Variants in TENM2 observed in about 807,000 individuals in gnomAD.
The protein encoded by TENM2 is teneurin-2.
Under a neutral mutation model 245.2 loss-of-function variants are expected in TENM2, and 52 were observed. The ratio of observed to expected loss-of-function variants is 0.21; its 90% CI spans 0.17 to 0.27. TENM2 has a LOEUF of 0.27. TENM2 is among the 10% of genes least tolerant of loss of function. TENM2 has a pLI of 1.00. For synonymous variants in TENM2, 1,363 were observed against 1,438.9 expected, an observed-to-expected ratio of 0.95 and a Z score of 1.19; for missense variants, 3,046 against 3,666.8, an observed-to-expected ratio of 0.83 and a Z score of 4.37.
intron 3 of TENM2, among the ~76,000 whole-genome samples, chr5:167,937,268 C>T (rs922565147): frequency 3.9e-5 from 6 of 152,218 alleles, no homozygotes; most frequent in African/African-American, 9.6e-5. Flanking sequence ...TTTGTTTATT[C>T]AGTCACTTGC....
chr5:168,254,249 C>G (rs1393820623), intron 27 of TENM2, among the ~76,000 whole-genome samples: 1 of 152,216 alleles, frequency 6.6e-6, no homozygotes, highest in Non-Finnish European at 1.5e-5. Flanking sequence ...GCAATTCCCT[C>G]TAGACAGACT....
intron 2 of TENM2, among the ~76,000 whole-genome samples, chr5:167,526,052 A>G (rs1270168321): frequency 6.6e-6 from 1 of 151,968 alleles, no homozygotes; most frequent in Non-Finnish European, 1.5e-5. Context: ...GTAAATGGCC[A>G]ACCCATTTAA....
chr5:168,199,980 C>A, exon 17 of TENM2: 2 of 1,613,954 alleles, frequency 1.2e-6, no homozygotes, highest in Non-Finnish European at 1.7e-6. Context: ...CCACAGTGCC[C>A]CTGAACCTCA....
chr5:167,392,556 C>T (rs1561919124), intron 2 of TENM2, among the ~76,000 whole-genome samples: 2 of 152,148 alleles, frequency 1.3e-5, no homozygotes, highest in Admixed American at 6.5e-5. Context: ...AAATCTATAC[C>T]ATAACCTCTC....
At chr5:166,993,110 ATTTAAGCAACTTGC>A in the TENM2 span, among the ~76,000 whole-genome samples, 7 of 151,978 alleles carry the variant, frequency 4.6e-5, no homozygotes, top group African/African-American at 1.7e-4. Flanking sequence ...TTTCCTTGGT[ATTTAAGCAACTTGC>A]TATTTTGAAA....
At chr5:167,603,901 A>C (rs1034767706) in intron 2 of TENM2, among the ~76,000 whole-genome samples, 2 of 152,216 alleles carry the variant, frequency 1.3e-5, no homozygotes, top group African/African-American at 4.8e-5. Flanking sequence ...TTTTTCATTA[A>C]GCACCTCATT....
chr5:167,364,924 A>T (rs1759951031), intron 1 of TENM2, among the ~76,000 whole-genome samples: 1 of 152,088 alleles, frequency 6.6e-6, no homozygotes, highest in Non-Finnish European at 1.5e-5. Context: ...AATATAGGAT[A>T]TAGAGAATTT....
At chr5:168,089,378 C>G (rs539764068) in intron 7 of TENM2, among the ~76,000 whole-genome samples, 2 of 152,282 alleles carry the variant, frequency 1.3e-5, no homozygotes, top group African/African-American at 4.8e-5. Flanking sequence ...CTTAAAACAT[C>G]CCTTTCATCA....
chr5:168,007,976 G>A (rs567839461), intron 5 of TENM2, among the ~76,000 whole-genome samples: 1 of 152,124 alleles, frequency 6.6e-6, no homozygotes, highest in Non-Finnish European at 1.5e-5. Context: ...GTTTAAAGTA[G>A]GGCTTGATAT....
intron 2 of TENM2, among the ~76,000 whole-genome samples, chr5:167,737,332 C>G (rs955637154): frequency 6.6e-6 from 1 of 152,160 alleles, no homozygotes; most frequent in African/African-American, 2.4e-5. Context: ...TCAGAACATG[C>G]CTGTCACAGA....
At chr5:167,428,180 G>A (rs13186467) in intron 2 of TENM2, among the ~76,000 whole-genome samples, 33,422 of 152,014 alleles carry the variant, frequency 0.22, 4,088 homozygotes, top group African/African-American at 0.28. Flanking sequence ...AGATCATGCT[G>A]TCTCCTCAAT....
the TENM2 span, among the ~76,000 whole-genome samples, chr5:167,131,202 A>C: frequency 1.3e-5 from 2 of 152,152 alleles, no homozygotes; most frequent in South Asian, 2.1e-4. Context: ...ACCATGGTAC[A>C]AACATTTTTA....
At chr5:167,483,962 T>C (rs1004763075) in intron 2 of TENM2, among the ~76,000 whole-genome samples, 10 of 152,220 alleles carry the variant, frequency 6.6e-5, no homozygotes, top group Non-Finnish European at 1.2e-4. Flanking sequence ...TAATTATGTA[T>C]ACATACTTAA....
intron 1 of TENM2, among the ~76,000 whole-genome samples, chr5:167,286,348 G>A (rs1771347701): frequency 6.6e-6 from 1 of 152,076 alleles, no homozygotes; most frequent in Non-Finnish European, 1.5e-5. Flanking sequence ...AGAAAATGGG[G>A]GCAGAGGCTG....
At chr5:167,231,410 T>C in the TENM2 span, among the ~76,000 whole-genome samples, 2 of 152,160 alleles carry the variant, frequency 1.3e-5, no homozygotes, top group Admixed American at 6.5e-5. Context: ...TGGTCTCACA[T>C]GGAAATAAGG....
intron 2 of TENM2, among the ~76,000 whole-genome samples, chr5:167,826,151 T>C (rs1330000199): frequency 1.3e-5 from 2 of 152,138 alleles, no homozygotes; most frequent in Non-Finnish European, 2.9e-5. Context: ...CCCAAAACCT[T>C]GTGTGGAACA....
intron 3 of TENM2, among the ~76,000 whole-genome samples, chr5:167,908,618 TCTCCC>T (rs1270801174): frequency 2.5e-5 from 2 of 80,328 alleles, no homozygotes; most frequent in Non-Finnish European, 4.8e-5. Context: ...TCTCTCCTCC[TCTCCC>T]CTCCCCTCCC....
At chr5:167,701,323 T>C (rs1410503897) in intron 2 of TENM2, among the ~76,000 whole-genome samples, 2 of 152,124 alleles carry the variant, frequency 1.3e-5, no homozygotes, top group Non-Finnish European at 2.9e-5. Context: ...CATGAAGTTA[T>C]GAATCTATGA....
At chr5:167,456,287 A>G (rs1765917369) in intron 2 of TENM2, among the ~76,000 whole-genome samples, 2 of 152,270 alleles carry the variant, frequency 1.3e-5, no homozygotes, top group South Asian at 2.1e-4. Flanking sequence ...AGAACTTAAT[A>G]TTTTACATTA....
Sources: gnomAD v4.1 joint callset for allele counts (sites outside exome capture counted in the v4.1 genomes callset) on GRCh38, gnomAD v4.1.1 for gene constraint, MANE v1.5 for transcripts, NCBI Gene and HGNC (gene_info 2026-07-23, HGNC 2026-07-21) for gene names.